CNTN3: variants seen among roughly 807,000 people sequenced by gnomAD.
CNTN3 encodes contactin-3.
Under a neutral mutation model 119.1 loss-of-function variants are expected in CNTN3, and 60 were observed. That is an observed-to-expected ratio of 0.50 (90% CI 0.41 to 0.62). CNTN3 has a LOEUF of 0.62. Among genes scored for constraint, CNTN3 ranks in the 20% least tolerant of loss-of-function variants. The pLI is 0.00. For missense variants in CNTN3, 1,101 were observed against 1,242.4 expected (o/e 0.89, Z 1.71); for synonymous variants, 450 against 438.7 (o/e 1.03, Z -0.32).
intron 5 of CNTN3, among the ~76,000 whole-genome samples, chr3:74,424,468 G>A (rs1251809703): frequency 1.6e-5 from 2 of 125,128 alleles, no homozygotes; most frequent in African/African-American, 2.9e-5. Context: ...GTGTGTGTGT[G>A]TGTGACAGAG....
chr3:74,596,370 C>A (rs562979312), intron 1 of CNTN3, among the ~76,000 whole-genome samples: 1 of 152,206 alleles, frequency 6.6e-6, no homozygotes, highest in South Asian at 2.1e-4. Flanking sequence ...AAAGAGCCCA[C>A]ATCACCAAGT....
intron 5 of CNTN3, among the ~76,000 whole-genome samples, chr3:74,399,910 C>A (rs12493728): frequency 6.6e-6 from 1 of 152,010 alleles, no homozygotes; most frequent in East Asian, 1.9e-4. Context: ...ATGTCTCTTG[C>A]GCTTCCTAGA....
At chr3:74,288,049 G>A (rs532544662) in intron 19 of CNTN3, among the ~76,000 whole-genome samples, 6 of 151,946 alleles carry the variant, frequency 3.9e-5, no homozygotes, top group East Asian at 1.9e-4. Flanking sequence ...TTCTTTGCCC[G>A]ATTGCAGGGA....
At chr3:74,434,108 G>A (rs975350434) in intron 4 of CNTN3, among the ~76,000 whole-genome samples, 14 of 152,118 alleles carry the variant, frequency 9.2e-5, no homozygotes, top group African/African-American at 3.4e-4. Context: ...GTGAAATTTA[G>A]GAAGAGAACA....
In CNTN3 at chr3:74,447,659, T is replaced by C. The variant is rs140866928; in HGVS notation, c.359-22719A>G. ...TCTGATTTCAGTGATGGCATGATGATACCCTCACCACCTGTCCTATTTTCA... is the reference window on the plus strand; with the variant it reads ...TCTGATTTCAGTGATGGCATGATGACACCCTCACCACCTGTCCTATTTTCA... On this transcript the variant is annotated intron_variant, in intron 4 of 22. Transcript: ENST00000263665. 6.7e-3 allele frequency among the ~76,000 whole-genome samples: 1,024 copies of C among 152,286 alleles called. 16 individuals are homozygous for C. Among genetic ancestry groups the C allele is most frequent in the African/African-American group, 0.024 (980 of 41,570 alleles).
chr3:74,365,812 A>C (rs1704173796), intron 8 of CNTN3, 110 bp from the exon 9 acceptor site: 2 of 1,226,380 alleles, frequency 1.6e-6, no homozygotes, highest in South Asian at 1.5e-5. Context: ...CATGATAATG[A>C]GTAACAGATT....
At chr3:74,324,038 G>T (rs1200143338) in intron 13 of CNTN3, among the ~76,000 whole-genome samples, 1 of 151,844 alleles carries the variant, frequency 6.6e-6, no homozygotes, top group Non-Finnish European at 1.5e-5. Flanking sequence ...TACTGTATTT[G>T]GATTTTTGTA....
At chr3:74,357,318 T>C (rs1370692806) in intron 11 of CNTN3, among the ~76,000 whole-genome samples, 1 of 143,314 alleles carries the variant, frequency 7.0e-6, no homozygotes, top group African/African-American at 2.6e-5. Flanking sequence ...AGTTTCCCTC[T>C]TGTTGCCCAG....
intron 11 of CNTN3, among the ~76,000 whole-genome samples, chr3:74,348,749 C>T (rs144778038): frequency 2.0e-5 from 3 of 152,148 alleles, no homozygotes; most frequent in East Asian, 1.9e-4. Flanking sequence ...CCCATGGAAA[C>T]CTTGAGAGAT....
At chr3:74,559,499 C>G (rs1704120507) in intron 1 of CNTN3, among the ~76,000 whole-genome samples, 1 of 152,024 alleles carries the variant, frequency 6.6e-6, no homozygotes, top group South Asian at 2.1e-4. Flanking sequence ...CTTACACAGC[C>G]TACCTCTACC....
chr3:74,386,904 C>A (rs9817153), intron 5 of CNTN3, among the ~76,000 whole-genome samples: 2 of 152,166 alleles, frequency 1.3e-5, no homozygotes, highest in Admixed American at 6.5e-5. Flanking sequence ...AATGTAGGTT[C>A]TGTGGGAGAA....
intron 1 of CNTN3, among the ~76,000 whole-genome samples, chr3:74,593,468 G>C (rs1704739038): frequency 6.6e-6 from 1 of 152,008 alleles, no homozygotes; most frequent in Non-Finnish European, 1.5e-5. Context: ...AACATAATTA[G>C]TCTAGAATTC....
chr3:74,560,245 T>C (rs899370648), intron 1 of CNTN3, among the ~76,000 whole-genome samples: 1 of 152,170 alleles, frequency 6.6e-6, no homozygotes, highest in Non-Finnish European at 1.5e-5. Context: ...GAGGATCAGA[T>C]AAGTTAATAC....
chr3:74,436,885 C>A (rs1701875570), intron 4 of CNTN3, among the ~76,000 whole-genome samples: 1 of 152,116 alleles, frequency 6.6e-6, no homozygotes, highest in South Asian at 2.1e-4. Flanking sequence ...ATGAGTGTGG[C>A]TTATATAAAT....
intron 5 of CNTN3, among the ~76,000 whole-genome samples, chr3:74,397,993 G>A (rs1203336873): frequency 6.6e-6 from 1 of 152,176 alleles, no homozygotes. Context: ...AATGGATAAG[G>A]AGTTGCTTCT....
chr3:74,576,122 C>T (rs1008177302), intron 1 of CNTN3, among the ~76,000 whole-genome samples: 2 of 152,102 alleles, frequency 1.3e-5, no homozygotes, highest in East Asian at 1.9e-4. Flanking sequence ...CCTCTTTTGG[C>T]CTCATTCCCC....
chr3:74,499,611 AAGTGTGTTT>A lies in CNTN3; in HGVS notation c.182+39_182+47del. Reference sequence around the variant, plus strand: ...AAAAAAAAATTCACAATCACCACATAAGTGTGTTTAGTTTTTTTTATTTGAATTTTCAAA... The same window carrying A: ...AAAAAAAAATTCACAATCACCACATAAGTTTTTTTTATTTGAATTTTCAAA... On this transcript the variant is annotated intron_variant, in intron 3 of 22. Transcript: ENST00000263665. 2.6e-6 allele frequency: 4 copies of A among 1,556,246 alleles called. No homozygotes were observed. In the East Asian group the frequency reaches 6.8e-5, roughly 26 times the overall value.
intron 4 of CNTN3, among the ~76,000 whole-genome samples, chr3:74,467,298 G>A (rs1702479132): frequency 6.6e-6 from 1 of 151,988 alleles, no homozygotes; most frequent in African/African-American, 2.4e-5. Context: ...AAGATGTAGA[G>A]GGAAATATTC....
chr3:74,340,358 T>C (rs1356595673), intron 11 of CNTN3, among the ~76,000 whole-genome samples: 2 of 152,118 alleles, frequency 1.3e-5, no homozygotes, highest in African/African-American at 4.8e-5. Context: ...AATATGCTTG[T>C]ACTTGTTAGA....
Sources: gnomAD v4.1 joint callset for allele counts (sites outside exome capture counted in the v4.1 genomes callset) on GRCh38, gnomAD v4.1.1 for gene constraint, MANE v1.5 for transcripts, NCBI Gene and HGNC (gene_info 2026-07-23, HGNC 2026-07-21) for gene names.